RTN4RL1: variants seen among roughly 807,000 people sequenced by gnomAD.
The protein encoded by RTN4RL1 is reticulon-4 receptor-like 1.
A neutral mutation model predicts 25.6 loss-of-function variants in RTN4RL1; 7 were observed. That is an observed-to-expected ratio of 0.27 (90% CI 0.16 to 0.51). RTN4RL1 has a LOEUF of 0.51. Among genes scored for constraint, RTN4RL1 ranks in the 20% least tolerant of loss-of-function variants. The pLI, the probability that RTN4RL1 is intolerant of heterozygous loss-of-function variation, is 0.97. For synonymous variants in RTN4RL1, 297 were observed against 288.2 expected (o/e 1.03, Z -0.31); for missense variants, 500 against 615.6 (o/e 0.81, Z 1.99).
chr17:1,948,148 G>A (rs1160245191), intron 1 of RTN4RL1, among the ~76,000 whole-genome samples: 1 of 152,226 alleles, frequency 6.6e-6, no homozygotes. Context: ...GCCCAGGGCT[G>A]AGGGTCCCTG....
intron 1 of RTN4RL1, among the ~76,000 whole-genome samples, chr17:2,013,466 A>G (rs902047795): frequency 6.6e-6 from 1 of 152,220 alleles, no homozygotes; most frequent in African/African-American, 2.4e-5. Context: ...GGCTTTGCTC[A>G]CCTACAGAGC....
intron 1 of RTN4RL1, among the ~76,000 whole-genome samples, chr17:2,022,194 T>C (rs2067217003): frequency 6.6e-6 from 1 of 152,030 alleles, no homozygotes; most frequent in Non-Finnish European, 1.5e-5. Flanking sequence ...CGTGCACCTG[T>C]AGTCCTAGCT....
intron 1 of RTN4RL1, among the ~76,000 whole-genome samples, chr17:1,977,335 G>A (rs1270857011): frequency 6.6e-6 from 1 of 152,036 alleles, no homozygotes; most frequent in African/African-American, 2.4e-5. Context: ...CCACCCCAAG[G>A]TCGTTCCACC....
At chr17:1,988,403 C>CAAA (rs398030159) in intron 1 of RTN4RL1, among the ~76,000 whole-genome samples, 33 of 77,202 alleles carry the variant, frequency 4.3e-4, no homozygotes, top group African/African-American at 1.3e-3. Context: ...GACTCCGCCT[C>CAAA]AAAAAAAAAA....
At chr17:2,021,163 G>C (rs1213322331) in intron 1 of RTN4RL1, among the ~76,000 whole-genome samples, 1 of 152,176 alleles carries the variant, frequency 6.6e-6, no homozygotes, top group East Asian at 1.9e-4. Flanking sequence ...CTTTCATTAA[G>C]AGATGCAAGG....
chr17:2,014,971 C>G (rs539319485), intron 1 of RTN4RL1, among the ~76,000 whole-genome samples: 33 of 152,156 alleles, frequency 2.2e-4, no homozygotes, highest in African/African-American at 7.5e-4. Context: ...CAGGCCATTC[C>G]CTGATGAAAA....
At chr17:1,978,055 C>T (rs796101169) in intron 1 of RTN4RL1, among the ~76,000 whole-genome samples, 3 of 152,132 alleles carry the variant, frequency 2.0e-5, no homozygotes, top group African/African-American at 7.2e-5. Flanking sequence ...CGGCACCCCG[C>T]AGCTGCACGC....
chr17:2,020,481 G>A lies in RTN4RL1; in HGVS notation c.13+4372C>T, dbSNP rs181958890. 1.1e-3 allele frequency: 163 copies of A among 152,250 alleles called. 2 individuals carry two copies. The highest frequency in any genetic ancestry group is 1.6e-3 in the Non-Finnish European group (111 of 68,032). The allele number at this position is 152,250 out of a possible 1,614,324, so 9.4% of individuals were successfully genotyped here. On this transcript the variant is annotated intron_variant, in intron 1 of 1. Coordinates refer to ENST00000331238, the MANE Select transcript of RTN4RL1 (RefSeq NM_178568.4). ...TGAAGCAACCATCTGATGCCACCAC[G>A]GTCCCTCCTTCCCTTTGCCTTCCCT...
chr17:1,972,332 A>AT (rs1555518906), intron 1 of RTN4RL1, among the ~76,000 whole-genome samples: 267 of 21,008 alleles, frequency 0.013, 1 homozygote, highest in Middle Eastern at 0.033. Context: ...ATAAATAAAA[A>AT]TTTAAAAAAA....
chr17:1,939,310 G>A (rs1464194763), intron 1 of RTN4RL1, among the ~76,000 whole-genome samples: 6 of 151,422 alleles, frequency 4.0e-5, no homozygotes, highest in East Asian at 3.9e-4. Context: ...CTGAGATCGT[G>A]CCACTGCACT....
intron 1 of RTN4RL1, among the ~76,000 whole-genome samples, chr17:1,955,960 T>C (rs187534994): frequency 6.8e-4 from 103 of 152,252 alleles, no homozygotes; most frequent in African/African-American, 2.4e-3. Flanking sequence ...ACAGTCCCAT[T>C]ACCCTTGACA....
At chr17:1,947,949 C>G (rs1001406094) in intron 1 of RTN4RL1, among the ~76,000 whole-genome samples, 1 of 152,158 alleles carries the variant, frequency 6.6e-6, no homozygotes, top group Admixed American at 6.5e-5. Flanking sequence ...GCTGGTTGTA[C>G]GGGTGGCCCT....
At position 1,935,478 on chromosome 17, in the gene RTN4RL1, C is replaced by T. The variant is rs1915275730; in HGVS notation, c.*1018G>A. 2 of 891,628 alleles carry T rather than the reference C, an allele frequency of 2.2e-6. No individual in the cohort carries two copies. The highest frequency in any genetic ancestry group is 2.7e-6 in the Non-Finnish European group (2 of 744,124). The allele number at this position is 891,628 out of a possible 1,614,324, so 55.2% of individuals were successfully genotyped here. A position where few individuals can be genotyped will look rare whatever the true frequency, so the allele number is the denominator to read the frequency against. Reference sequence around the variant, plus strand: ...GGTCCCCCAAAGTGACTCTTGCTGCCTCCCCCTTCCTCACCGTCCCGCCGA... The same window carrying T: ...GGTCCCCCAAAGTGACTCTTGCTGCTTCCCCCTTCCTCACCGTCCCGCCGA... On this transcript the variant is annotated 3_prime_UTR_variant, in exon 2 of 2. Coordinates refer to ENST00000331238, the MANE Select transcript of RTN4RL1 (RefSeq NM_178568.4).
chr17:1,957,739 G>A (rs1001715930), intron 1 of RTN4RL1, among the ~76,000 whole-genome samples: 8 of 152,194 alleles, frequency 5.3e-5, no homozygotes, highest in African/African-American at 1.9e-4. Flanking sequence ...AGCTACTCGG[G>A]AGGCTGAGGC....
intron 1 of RTN4RL1, chr17:2,017,666 G>C (rs1341795747): frequency 1.4e-5 from 2 of 139,038 alleles, no homozygotes; most frequent in African/African-American, 5.5e-5. Context: ...TGCTTTGCCA[G>C]GTGTGTTTCT....
chr17:2,008,846 G>T (rs184706580), intron 1 of RTN4RL1, among the ~76,000 whole-genome samples: 1 of 152,038 alleles, frequency 6.6e-6, no homozygotes, highest in Admixed American at 6.5e-5. Flanking sequence ...ACCTCCAGCC[G>T]CCTTCCCCCT....
At chr17:1,962,010 G>A (rs2066766242) in intron 1 of RTN4RL1, among the ~76,000 whole-genome samples, 1 of 151,300 alleles carries the variant, frequency 6.6e-6, no homozygotes, top group African/African-American at 2.4e-5. Context: ...GGCCGGGCGT[G>A]GTGGCTCATG....
rs369166983 is a variant in RTN4RL1, at chr17:2,021,819, T to C, written c.13+3034A>G. ...ATCCTCCCAACTCGGCCTCCCAAAG[T>C]GCTGGGATTACAGGTGTGAGCCACT... On this transcript the variant is annotated intron_variant, in intron 1 of 1. Transcript: ENST00000331238. Among the ~76,000 whole-genome samples the C allele has an allele frequency of 6.3e-4, 93 of 148,434 alleles. 1 individual carries two copies. Among genetic ancestry groups the C allele is most frequent in the Admixed American group, 1.5e-3 (22 of 14,832 alleles).
chr17:1,985,243 CCT>C (rs2066882954), intron 1 of RTN4RL1, among the ~76,000 whole-genome samples: 1 of 152,214 alleles, frequency 6.6e-6, no homozygotes, highest in South Asian at 2.1e-4. Context: ...GTGTTCACTC[CCT>C]GAGTGCCTGC....
Sources: gnomAD v4.1 joint callset for allele counts (sites outside exome capture counted in the v4.1 genomes callset) on GRCh38, gnomAD v4.1.1 for gene constraint, MANE v1.5 for transcripts, NCBI Gene and HGNC (gene_info 2026-07-23, HGNC 2026-07-21) for gene names.